CNTN5: variants seen among roughly 807,000 people sequenced by gnomAD.
CNTN5 encodes contactin-5.
Under a neutral mutation model 129.1 loss-of-function variants are expected in CNTN5, and 77 were observed. The ratio of observed to expected loss-of-function variants is 0.60; its 90% CI spans 0.50 to 0.72. The LOEUF is 0.72. Among genes scored for constraint, CNTN5 ranks in the 30% least tolerant of loss-of-function variants. The pLI, the probability that CNTN5 is intolerant of heterozygous loss-of-function variation, is 0.00. For missense variants in CNTN5, 1,478 were observed against 1,328.8 expected (o/e 1.11, Z -1.75); for synonymous variants, 509 against 465.6 (o/e 1.09, Z -1.20).
chr11:99,039,247 T>G (rs1329278413), intron 1 of CNTN5, among the ~76,000 whole-genome samples: 3 of 152,104 alleles, frequency 2.0e-5, no homozygotes, highest in Non-Finnish European at 4.4e-5. Flanking sequence ...CACAAAGCAC[T>G]TCTCAGCTTT....
At position 100,069,367 on chromosome 11, in the gene CNTN5, C is replaced by T. The variant is rs115615000; in HGVS notation, c.1163-1057C>T. On this transcript the variant is annotated intron_variant, in intron 10 of 24. Coordinates refer to ENST00000524871, the MANE Select transcript of CNTN5 (RefSeq NM_014361.4). ...AGAGACAAGGTCTCACCATGTTGCC[C>T]GAGCTGGGAACTCCCAGGCTAAAGT... Among the ~76,000 whole-genome samples, 1,349 of 151,942 alleles carry T rather than the reference C, an allele frequency of 8.9e-3. 20 individuals carry two copies. The highest frequency in any genetic ancestry group is 0.028 in the African/African-American group (1,153 of 41,446).
At chr11:99,656,320 G>C (rs115841679) in intron 3 of CNTN5, among the ~76,000 whole-genome samples, 340 of 152,154 alleles carry the variant, frequency 2.2e-3, no homozygotes, top group African/African-American at 7.5e-3. Flanking sequence ...TAATTTCAAA[G>C]AGATAGCTAG....
chr11:99,943,081 T>G (rs1950477387), intron 7 of CNTN5, among the ~76,000 whole-genome samples: 1 of 152,150 alleles, frequency 6.6e-6, no homozygotes, highest in Non-Finnish European at 1.5e-5. Flanking sequence ...AAATTGAGTA[T>G]CTGGTTCTAG....
chr11:99,684,470 A>G (rs1953698933), intron 3 of CNTN5, among the ~76,000 whole-genome samples: 1 of 151,936 alleles, frequency 6.6e-6, no homozygotes, highest in African/African-American at 2.4e-5. Flanking sequence ...GCATTCATTC[A>G]TTCATTCATT....
chr11:99,830,285 A>G (rs905975293), intron 4 of CNTN5, among the ~76,000 whole-genome samples: 1 of 152,182 alleles, frequency 6.6e-6, no homozygotes, highest in Non-Finnish European at 1.5e-5. Flanking sequence ...CACAATCTGC[A>G]CTTTATAAAC....
intron 2 of CNTN5, among the ~76,000 whole-genome samples, chr11:99,332,509 T>C (rs1866041395): frequency 6.6e-6 from 1 of 152,148 alleles, no homozygotes; most frequent in Non-Finnish European, 1.5e-5. Flanking sequence ...TTGATATGGC[T>C]GATAGTCACG....
rs1235075322 is a variant in CNTN5 at position 99,816,239 on chromosome 11, T to A, written c.56-3305T>A. ...TAGCTCTGCTTTTCTTCAAAAAAAA[T>A]GCTAATGTTGGTCAAAATTCCATTT... On this transcript the variant is annotated intron_variant, in intron 3 of 24. Transcript: ENST00000524871. Among the ~76,000 whole-genome samples, 5 of 152,292 alleles carry A rather than the reference T, an allele frequency of 3.3e-5. No homozygotes were observed. The East Asian group carries it at 7.7e-4, about 24-fold the overall frequency.
chr11:99,902,821 C>A (rs912297465), intron 6 of CNTN5, among the ~76,000 whole-genome samples: 13 of 151,980 alleles, frequency 8.6e-5, no homozygotes, highest in Non-Finnish European at 1.6e-4. Context: ...AAATGAAGAT[C>A]ACAAATTAAA....
intron 18 of CNTN5, among the ~76,000 whole-genome samples, chr11:100,274,675 C>T (rs768841357): frequency 4.6e-5 from 7 of 152,176 alleles, no homozygotes; most frequent in East Asian, 3.9e-4. Flanking sequence ...ACATTAAAAC[C>T]GCAAATGAGA....
At chr11:99,584,345 A>G (rs1412850890) in intron 3 of CNTN5, among the ~76,000 whole-genome samples, 1 of 152,166 alleles carries the variant, frequency 6.6e-6, no homozygotes, top group Non-Finnish European at 1.5e-5. Context: ...GATTACTGTT[A>G]TATCCTTAGT....
chr11:99,850,009 T>TA (rs1253927048), intron 6 of CNTN5, among the ~76,000 whole-genome samples: 3 of 152,068 alleles, frequency 2.0e-5, no homozygotes, highest in Non-Finnish European at 4.4e-5. Context: ...AACACCTATG[T>TA]AACAAAAATT....
At chr11:99,433,371 A>AATGTG (rs1555143805) in intron 2 of CNTN5, among the ~76,000 whole-genome samples, 14,336 of 140,644 alleles carry the variant, frequency 0.1, 808 homozygotes, top group South Asian at 0.15. Flanking sequence ...TAAAAAAAAA[A>AATGTG]TGTGTGTGTG....
At chr11:99,788,033 C>A (rs1464004959) in intron 3 of CNTN5, among the ~76,000 whole-genome samples, 1 of 151,886 alleles carries the variant, frequency 6.6e-6, no homozygotes, top group Non-Finnish European at 1.5e-5. Context: ...ATTAAACTTT[C>A]TTTGTGTTCT....
intron 3 of CNTN5, among the ~76,000 whole-genome samples, chr11:99,610,906 T>C (rs955834556): frequency 3.3e-5 from 5 of 152,164 alleles, no homozygotes; most frequent in Non-Finnish European, 7.4e-5. Flanking sequence ...CAGCGCTATG[T>C]GCTTAGAAAA....
chr11:99,211,474 T>G (rs1240686774), intron 1 of CNTN5, among the ~76,000 whole-genome samples: 1 of 152,166 alleles, frequency 6.6e-6, no homozygotes, highest in African/African-American at 2.4e-5. Flanking sequence ...TTTTGTGATA[T>G]GACCTTCTGA....
intron 2 of CNTN5, among the ~76,000 whole-genome samples, chr11:99,543,742 A>AC (rs1466839158): frequency 2.6e-5 from 4 of 151,972 alleles, no homozygotes; most frequent in Non-Finnish European, 5.9e-5. Context: ...ACATGGTGAA[A>AC]CCCCATCTCT....
At chr11:99,222,362 A>G (rs1410807848) in intron 1 of CNTN5, among the ~76,000 whole-genome samples, 1 of 151,854 alleles carries the variant, frequency 6.6e-6, no homozygotes, top group Non-Finnish European at 1.5e-5. Flanking sequence ...GGTTGGGGGG[A>G]CAGGAAAAAT....
intron 13 of CNTN5, among the ~76,000 whole-genome samples, chr11:100,083,967 C>A (rs1414329538): frequency 6.6e-6 from 1 of 152,086 alleles, no homozygotes; most frequent in Non-Finnish European, 1.5e-5. Context: ...AGAGATAACA[C>A]TGAGAAACTC....
At chr11:99,348,321 A>G (rs982776341) in intron 2 of CNTN5, among the ~76,000 whole-genome samples, 3 of 152,214 alleles carry the variant, frequency 2.0e-5, no homozygotes, top group Non-Finnish European at 4.4e-5. Flanking sequence ...CCTGGGCGAC[A>G]GAGCGAGACT....
Sources: allele counts gnomAD v4.1 joint callset (sites outside exome capture counted in the v4.1 genomes callset), GRCh38; gene constraint gnomAD v4.1.1; transcripts MANE v1.5; gene names NCBI Gene and HGNC (gene_info 2026-07-23, HGNC 2026-07-21).